ERG: variants seen among roughly 807,000 people sequenced by gnomAD.
The protein encoded by ERG is ETS transcription factor ERG.
Under a neutral mutation model 55.3 loss-of-function variants are expected in ERG, and 9 were observed. The observed-to-expected ratio is 0.16, with a 90% CI of 0.10 to 0.28. ERG has a LOEUF of 0.28. Among genes scored for constraint, ERG ranks in the 10% least tolerant of loss-of-function variants. The pLI is 1.00. For synonymous variants in ERG, 223 were observed against 237.3 expected, an observed-to-expected ratio of 0.94 and a Z score of 0.55; for missense variants, 434 against 631.6, an observed-to-expected ratio of 0.69 and a Z score of 3.35.
intron 3 of ERG, 98 bp downstream of exon 3, chr21:38,423,312 A>G: frequency 7.7e-7 from 1 of 1,303,762 alleles, no homozygotes; most frequent in Non-Finnish European, 1.1e-6. Flanking sequence ...AGGAGATGTG[A>G]TCAATGCCAC....
intron 2 of ERG, among the ~76,000 whole-genome samples, chr21:38,554,714 A>G (rs1418116127): frequency 5.3e-5 from 8 of 152,078 alleles, no homozygotes; most frequent in South Asian, 2.1e-4. Flanking sequence ...AAAACTACCA[A>G]TTGGGCACTA....
At chr21:38,558,676 G>T (rs925988990) in intron 2 of ERG, among the ~76,000 whole-genome samples, 1 of 152,124 alleles carries the variant, frequency 6.6e-6, no homozygotes, top group East Asian at 1.9e-4. Context: ...TTCCTATCAC[G>T]TATCAATAAG....
intron 1 of ERG, among the ~76,000 whole-genome samples, chr21:38,490,114 T>C (rs1007488627): frequency 2.6e-5 from 4 of 152,228 alleles, no homozygotes; most frequent in Non-Finnish European, 5.9e-5. Context: ...GATCAGGTGC[T>C]CGTGAATAAT....
At chr21:38,587,183 A>G (rs973444750), upstream of ERG, among the ~76,000 whole-genome samples, 7 of 152,180 alleles carry the variant, frequency 4.6e-5, no homozygotes, top group African/African-American at 1.4e-4. Context: ...CTAAGGAATA[A>G]TCATTTTATA....
At chr21:38,611,724 A>G (rs1219512999) in intron 1 of ERG, among the ~76,000 whole-genome samples, 1 of 151,794 alleles carries the variant, frequency 6.6e-6, no homozygotes, top group African/African-American at 2.4e-5. Context: ...CATTTGTCTT[A>G]TTGTCTGTCT....
At chr21:38,394,429 T>C (rs1006105627) in intron 6 of ERG, among the ~76,000 whole-genome samples, 1 of 151,792 alleles carries the variant, frequency 6.6e-6, no homozygotes, top group African/African-American at 2.4e-5. Flanking sequence ...CTCGGCTCAC[T>C]GCAAGCTCCA....
intron 2 of ERG, among the ~76,000 whole-genome samples, chr21:38,572,248 G>A (rs889144407): frequency 6.3e-4 from 95 of 149,722 alleles, no homozygotes; most frequent in African/African-American, 2.3e-3. Flanking sequence ...GGTGCCTGTA[G>A]TCCCAGCTAC....
In ERG at chr21:38,613,526, T is replaced by C. The variant is rs1217709881; in HGVS notation, c.-149-28581A>G. 2.6e-5 allele frequency among the ~76,000 whole-genome samples: 4 copies of C among 152,184 alleles called. No homozygotes were observed. The East Asian group carries it at 7.7e-4, about 29-fold the overall frequency. On this transcript the variant is annotated intron_variant, in intron 1 of 10. Coordinates refer to the ERG transcript ENST00000398910. ...GAGAACATAAGGGCCCTCTCCCAAATAGCTCAGTCCCCAAAATGCAGACAT... is the reference window on the plus strand; with the variant it reads ...GAGAACATAAGGGCCCTCTCCCAAACAGCTCAGTCCCCAAAATGCAGACAT...
upstream of ERG, among the ~76,000 whole-genome samples, chr21:38,502,052 G>T (rs1410996115): frequency 1.3e-5 from 2 of 152,194 alleles, no homozygotes; most frequent in African/African-American, 4.8e-5. Flanking sequence ...CACTCTGAAT[G>T]ACAGCCACAT....
At chr21:38,432,052 C>A (rs928860935) in intron 2 of ERG, among the ~76,000 whole-genome samples, 3 of 152,186 alleles carry the variant, frequency 2.0e-5, no homozygotes, top group Admixed American at 2.0e-4. Context: ...CAGTGTTATA[C>A]ATGCCTCTAG....
At chr21:38,532,917 C>T (rs576861427) in intron 2 of ERG, among the ~76,000 whole-genome samples, 9 of 152,280 alleles carry the variant, frequency 5.9e-5, no homozygotes, top group East Asian at 5.8e-4. Context: ...AGTTCTCAAC[C>T]GATTTTAGAG....
intron 1 of ERG, among the ~76,000 whole-genome samples, chr21:38,613,154 G>T (rs2146931586): frequency 6.6e-6 from 1 of 152,332 alleles, no homozygotes; most frequent in South Asian, 2.1e-4. Flanking sequence ...GTTCATCTGA[G>T]GAAGCAGTGA....
intron 2 of ERG, among the ~76,000 whole-genome samples, chr21:38,572,976 A>C (rs1373434902): frequency 6.6e-6 from 1 of 152,216 alleles, no homozygotes. Flanking sequence ...AGATGTTGTT[A>C]ATTTGTAGCT....
intron 2 of ERG, among the ~76,000 whole-genome samples, chr21:38,509,105 C>G (rs2059491862): frequency 6.6e-6 from 1 of 152,152 alleles, no homozygotes; most frequent in South Asian, 2.1e-4. Flanking sequence ...CAAATAATAT[C>G]TATCTCAGCC....
chr21:38,515,784 C>A (rs759982112), intron 2 of ERG, among the ~76,000 whole-genome samples: 1 of 152,070 alleles, frequency 6.6e-6, no homozygotes, highest in Non-Finnish European at 1.5e-5. Context: ...AGATAATGCA[C>A]CATGGTCAAG....
intron 9 of ERG, among the ~76,000 whole-genome samples, chr21:38,389,033 C>T (rs1266002749): frequency 2.0e-5 from 3 of 152,202 alleles, no homozygotes; most frequent in Admixed American, 1.3e-4. Context: ...TTTGGTGCAG[C>T]TTGACTCTTT....
chr21:38,596,600 G>A (rs1212477129), intron 1 of ERG, among the ~76,000 whole-genome samples: 3 of 152,208 alleles, frequency 2.0e-5, no homozygotes, highest in Non-Finnish European at 4.4e-5. Context: ...CTTCTGTCCT[G>A]ATGACAGAAA....
intron 2 of ERG, among the ~76,000 whole-genome samples, chr21:38,539,688 T>TG (rs1180975735): frequency 2.0e-4 from 30 of 152,254 alleles, no homozygotes; most frequent in Non-Finnish European, 4.1e-4. Context: ...CCTGTCTGGC[T>TG]CCTCTGCCCA....
intron 2 of ERG, among the ~76,000 whole-genome samples, chr21:38,505,723 T>C (rs916997567): frequency 1.3e-5 from 2 of 152,158 alleles, no homozygotes; most frequent in Admixed American, 1.3e-4. Context: ...TATTTACAGC[T>C]ACAAAAATAA....
Sources: allele counts gnomAD v4.1 joint callset (sites outside exome capture counted in the v4.1 genomes callset), GRCh38; gene constraint gnomAD v4.1.1; transcripts MANE v1.5; gene names NCBI Gene and HGNC (gene_info 2026-07-23, HGNC 2026-07-21).